The following HEMK2 variants were observed in gnomAD, a reference collection of about 807,000 sequenced individuals.
HEMK2 encodes methyltransferase HEMK2.
the HEMK2 span, among the ~76,000 whole-genome samples, chr21:28,822,064 A>G: frequency 7.2e-5 from 11 of 152,230 alleles, no homozygotes; most frequent in Non-Finnish European, 1.6e-4. Context: ...GAGATACTCT[A>G]TCATGTAGAA....
chr21:28,737,100 T>TGTTG, the HEMK2 span, among the ~76,000 whole-genome samples: 89 of 152,140 alleles, frequency 5.8e-4, no homozygotes, highest in Admixed American at 1.1e-3. Flanking sequence ...CAGTGAAGTT[T>TGTTG]GTTGGTTGGT....
chr21:28,766,960 C>T, the HEMK2 span, among the ~76,000 whole-genome samples: 7 of 152,012 alleles, frequency 4.6e-5, no homozygotes, highest in African/African-American at 1.7e-4. Context: ...AGAACATATC[C>T]AAGTGATACG....
At chr21:28,838,140 G>A in the HEMK2 span, among the ~76,000 whole-genome samples, 1 of 152,112 alleles carries the variant, frequency 6.6e-6, no homozygotes, top group Non-Finnish European at 1.5e-5. Flanking sequence ...CAATCCTTTT[G>A]ACACTATTTC....
At chr21:28,589,896 C>T in the HEMK2 span, among the ~76,000 whole-genome samples, 1 of 152,142 alleles carries the variant, frequency 6.6e-6, no homozygotes, top group Non-Finnish European at 1.5e-5. Context: ...AGTCAAAACT[C>T]AGGTGCATAA....
At chr21:28,876,997 G>C in the HEMK2 span, among the ~76,000 whole-genome samples, 4 of 68,204 alleles carry the variant, frequency 5.9e-5, no homozygotes, top group Admixed American at 5.0e-4. Flanking sequence ...GGGAGGGAGG[G>C]AGGGAGGGAG....
the HEMK2 span, among the ~76,000 whole-genome samples, chr21:28,749,415 T>C: frequency 1.3e-3 from 192 of 152,232 alleles, no homozygotes; most frequent in African/African-American, 4.4e-3. Flanking sequence ...GAGATTGAGG[T>C]AGAGAAAGTT....
chr21:28,785,459 T>C, the HEMK2 span, among the ~76,000 whole-genome samples: 1 of 152,188 alleles, frequency 6.6e-6, no homozygotes. Flanking sequence ...AAATTACAAA[T>C]ATGTCCCCAA....
the HEMK2 span, among the ~76,000 whole-genome samples, chr21:28,863,759 G>A: frequency 3.1e-3 from 477 of 152,142 alleles, 5 homozygotes; most frequent in African/African-American, 0.011. Context: ...TATCAGGACC[G>A]TAGAAACTGT....
At chr21:28,739,405 G>A in the HEMK2 span, among the ~76,000 whole-genome samples, 1 of 152,102 alleles carries the variant, frequency 6.6e-6, no homozygotes, top group Non-Finnish European at 1.5e-5. Context: ...TACATTAGAA[G>A]GAACTAAATA....
the HEMK2 span, among the ~76,000 whole-genome samples, chr21:28,705,367 T>C: frequency 7.2e-5 from 11 of 152,120 alleles, no homozygotes; most frequent in Non-Finnish European, 1.3e-4. Context: ...AAATCAAGAT[T>C]TTTAAATAAT....
chr21:28,733,139 C>A, the HEMK2 span, among the ~76,000 whole-genome samples: 1 of 152,006 alleles, frequency 6.6e-6, no homozygotes, highest in African/African-American at 2.4e-5. Context: ...ATTAGCCGGG[C>A]GTGGTGGTGG....
the HEMK2 span, among the ~76,000 whole-genome samples, chr21:28,782,842 T>C: frequency 4.1e-4 from 62 of 152,360 alleles, no homozygotes; most frequent in African/African-American, 1.4e-3. Flanking sequence ...AGTATTTGAA[T>C]TATCTCAATA....
At chr21:28,607,655 CAGA>C in the HEMK2 span, among the ~76,000 whole-genome samples, 1 of 152,156 alleles carries the variant, frequency 6.6e-6, no homozygotes, top group Non-Finnish European at 1.5e-5. Context: ...TTCACGGAGG[CAGA>C]AGCTCATTCT....
chr21:28,701,341 G>A, the HEMK2 span, among the ~76,000 whole-genome samples: 1 of 152,024 alleles, frequency 6.6e-6, no homozygotes, highest in Admixed American at 6.6e-5. Flanking sequence ...AATAGGAGGA[G>A]AAGAAGTCAA....
At chr21:28,831,775 C>T in the HEMK2 span, among the ~76,000 whole-genome samples, 1 of 108,460 alleles carries the variant, frequency 9.2e-6, no homozygotes, top group Non-Finnish European at 2.1e-5. Context: ...AAGAAAGAAA[C>T]AGTATCACCT....
chr21:28,741,016 G>A, the HEMK2 span, among the ~76,000 whole-genome samples: 1 of 152,026 alleles, frequency 6.6e-6, no homozygotes, highest in Admixed American at 6.6e-5. Context: ...TCCTAAGTTG[G>A]TTTCTGTTTG....
chr21:28,794,919 A>C, the HEMK2 span, among the ~76,000 whole-genome samples: 1 of 152,152 alleles, frequency 6.6e-6, no homozygotes, highest in Non-Finnish European at 1.5e-5. Flanking sequence ...GGGGCCCAAG[A>C]GTTGACGATG....
chr21:28,743,428 G>C, the HEMK2 span: 30 of 152,300 alleles, frequency 2.0e-4, no homozygotes, highest in African/African-American at 6.5e-4. Flanking sequence ...CAAGATTAAG[G>C]TGTTGACTGG....
the HEMK2 span, among the ~76,000 whole-genome samples, chr21:28,825,468 A>G: frequency 2.6e-5 from 4 of 152,198 alleles, no homozygotes; most frequent in Non-Finnish European, 5.9e-5. Flanking sequence ...AGGCAGAGAT[A>G]TGAGCTAGGG....
Sources: gnomAD v4.1 joint callset for allele counts (sites outside exome capture counted in the v4.1 genomes callset) on GRCh38, gnomAD v4.1.1 for gene constraint, MANE v1.5 for transcripts, NCBI Gene and HGNC (gene_info 2026-07-23, HGNC 2026-07-21) for gene names.